HELZ: variants seen among roughly 807,000 people sequenced by gnomAD.
HELZ encodes the protein helicase with zinc finger.
A neutral mutation model predicts 218.2 loss-of-function variants in HELZ; 23 were observed. That is an observed-to-expected ratio of 0.11 (90% confidence interval 0.08 to 0.15). The LOEUF (loss-of-function observed/expected upper bound fraction) is 0.15, where lower values mean the gene tolerates loss of function less well. Among genes scored for constraint, HELZ ranks in the 10% least tolerant of loss-of-function variants. The probability of loss-of-function intolerance (pLI) is 1.00; values close to 1 mark genes in which losing one functional copy is unlikely to be tolerated. For synonymous variants in HELZ, 814 were observed against 829.4 expected, an observed-to-expected ratio of 0.98 and a Z score of 0.32; for missense variants, 1,813 against 2,353.7, an observed-to-expected ratio of 0.77 and a Z score of 4.75.
rs1357846265 is a variant in HELZ at position 67,086,813 on chromosome 17, A to G, written c.5494+16T>C. 6.2e-7 allele frequency: 1 copy of G among 1,612,624 alleles called. No homozygotes were observed. On this transcript the variant is annotated intron_variant, in intron 32 of 32. Coordinates refer to ENST00000358691, the MANE Select transcript of HELZ (RefSeq NM_014877.4). ...TGAGGAGTACAGATTAGTTTTAGCC[A>G]CCAACTCTGTCTTACCTATCAACTC...
At chr17:67,181,255 T>A (rs569162255) in intron 12 of HELZ, among the ~76,000 whole-genome samples, 1 of 152,174 alleles carries the variant, frequency 6.6e-6, no homozygotes, top group Non-Finnish European at 1.5e-5. Context: ...AAGTCACTAG[T>A]TATTCCTAAC....
At position 67,120,418 on chromosome 17, in the gene HELZ, C is replaced by T. The variant is rs777981046; in HGVS notation, c.3825G>A (p.Glu1275=). ...AGTACAACTTACCATTTCGATTTTGCTCATGTTGATCCTTCTCCTGATGCT... is the reference window on the plus strand; with the variant it reads ...AGTACAACTTACCATTTCGATTTTGTTCATGTTGATCCTTCTCCTGATGCT... ...QNQHQEKDQH[E]QNRNGKSDTN... is the part of the protein sequence containing the mutation. The change falls in exon 27 of 33, where the codon GAG becomes GAA. Residue 1275 remains glutamate (E), a synonymous_variant. Coordinates refer to ENST00000358691, the MANE Select transcript of HELZ (RefSeq NM_014877.4). The T allele has an allele frequency of 4.0e-5, 64 of 1,613,790 alleles. No homozygotes were observed. The highest frequency in any genetic ancestry group is 4.6e-5 in the Non-Finnish European group (54 of 1,179,884).
chr17:67,102,214 T>C (rs1051759794), intron 31 of HELZ, among the ~76,000 whole-genome samples: 3 of 152,152 alleles, frequency 2.0e-5, no homozygotes, highest in African/African-American at 7.2e-5. Flanking sequence ...TAGGTGGGCA[T>C]AGCAATTGGG....
At chr17:67,184,388 G>A (rs1010366529) in intron 12 of HELZ, among the ~76,000 whole-genome samples, 1 of 152,180 alleles carries the variant, frequency 6.6e-6, no homozygotes, top group East Asian at 1.9e-4. Context: ...ACTTATGCAA[G>A]AGAAATACGG....
Position 67,078,264 on chromosome 17 carries a change from T to C in HELZ, c.5817A>G (p.Ser1939=), listed in dbSNP as rs1462083439. The stretch of plus-strand genomic sequence containing the variant: ...AAAAAAAAAGTGATTATTTAAAATA[T>C]GAGTAAAAGCCATTGCTGCCAGATG... ...GSSSGSNGFY[S]YFK Residue 1939 remains serine (S), a synonymous_variant, in exon 33 of 33, where the codon TCA becomes TCG. Transcript: ENST00000358691. The C allele has an allele frequency of 1.2e-5, 20 of 1,610,578 alleles. No individual in the cohort carries two copies. The highest frequency in any genetic ancestry group is 1.4e-5 in the Non-Finnish European group (17 of 1,177,230).
In HELZ at chr17:67,129,342, G is replaced by A. The variant is rs1004783033; in HGVS notation, c.3183-487C>T. 6.6e-5 allele frequency among the ~76,000 whole-genome samples: 10 copies of A among 151,626 alleles called. No individual in the cohort carries two copies. The East Asian group carries it at 1.9e-3, about 29-fold the overall frequency. On this transcript the variant is annotated intron_variant, in intron 23 of 32. Transcript: ENST00000358691. ...TATACATATACACGCATGTATATGT[G>A]TATATATGCACATACATACACATAT...
Position 67,108,800 on chromosome 17 carries a change from A to G in HELZ, c.4490-74T>C, listed in dbSNP as rs2143749656. The G allele has an allele frequency of 3.5e-6, 4 of 1,151,296 alleles. No homozygotes were observed. The East Asian group carries it at 9.8e-5, about 28-fold the overall frequency. The allele number at this position is 1,151,296 out of a possible 1,614,324, so 71.3% of individuals were successfully genotyped here. A position where few individuals can be genotyped will look rare whatever the true frequency, so the allele number is the denominator to read the frequency against. On this transcript the variant is annotated intron_variant, in intron 29 of 32. Transcript: ENST00000358691. The surrounding 1 kb of genome is among the most constrained non-coding windows in gnomAD (Gnocchi z 4.1). ...TCATTATTTAAAGTTTTTTACTAACATATTTTCTCCACAAAGACAAAGGAC... is the reference window on the plus strand; with the variant it reads ...TCATTATTTAAAGTTTTTTACTAACGTATTTTCTCCACAAAGACAAAGGAC...
chr17:67,179,423 A>G (rs973839081), intron 12 of HELZ, among the ~76,000 whole-genome samples: 2 of 152,242 alleles, frequency 1.3e-5, no homozygotes, highest in Non-Finnish European at 2.9e-5. Flanking sequence ...TCAACTTACT[A>G]TAAACAAAAA....
chr17:67,108,498 T>G lies in HELZ; in HGVS notation c.4718A>C (p.Tyr1573Ser), dbSNP rs757849843. 4 of 1,612,644 alleles carry G rather than the reference T, an allele frequency of 2.5e-6. No individual in the cohort carries two copies. The highest frequency in any genetic ancestry group is 3.4e-6 in the Non-Finnish European group (4 of 1,178,888). The change falls in exon 30 of 33, where the codon TAC becomes TCC. Residue 1573 changes from tyrosine to serine, a missense_variant. Tyr to Ser is a moderately radical substitution (Grantham distance 144). Coordinates refer to ENST00000358691, the MANE Select transcript of HELZ (RefSeq NM_014877.4). This position sits in a 1 kb window ranked among gnomAD's most constrained non-coding sequence, Gnocchi z 4.1. Reference protein sequence around the residue: ...SSAEDEVETTYSRFQDLIREL... With the variant: ...SSAEDEVETTSSRFQDLIREL... ...TTTCAGTCCGCTGGAATACCTTGAGTATGTGGTCTCCACTTCATCTTCGGC... is the reference window on the plus strand; with the variant it reads ...TTTCAGTCCGCTGGAATACCTTGAGGATGTGGTCTCCACTTCATCTTCGGC...
In HELZ at chr17:67,075,732, T is replaced by C. The variant is rs1469110573; in HGVS notation, c.*2520A>G. 1.3e-5 allele frequency: 2 copies of C among 152,328 alleles called. No individual in the cohort carries two copies. Among genetic ancestry groups the C allele is most frequent in the African/African-American group, 2.4e-5 (1 of 41,466 alleles). The allele number at this position is 152,328 out of a possible 1,614,324, so 9.4% of individuals were successfully genotyped here. On this transcript the variant is annotated 3_prime_UTR_variant, in exon 33 of 33. Coordinates refer to ENST00000358691, the MANE Select transcript of HELZ (RefSeq NM_014877.4). ...AGCTTGTTGTAAGTCAAAATAAGCA[T>C]TTGATGCAGAATCTAAGAAGAGTAT...
chr17:67,091,944 A>G (rs892303899), intron 31 of HELZ, among the ~76,000 whole-genome samples: 3 of 152,226 alleles, frequency 2.0e-5, no homozygotes, highest in Non-Finnish European at 4.4e-5. Flanking sequence ...TTGGTGGATC[A>G]GTACAGTTCC....
intron 20 of HELZ, 114 bp from the exon 21 acceptor site, chr17:67,146,004 A>G (rs1235172204): frequency 9.0e-6 from 8 of 890,554 alleles, no homozygotes; most frequent in Non-Finnish European, 1.4e-5. Flanking sequence ...TCCATGATTA[A>G]TTTTACTCCA....
At chr17:67,101,589 C>T (rs954848031) in intron 31 of HELZ, among the ~76,000 whole-genome samples, 1 of 152,040 alleles carries the variant, frequency 6.6e-6, no homozygotes, top group African/African-American at 2.4e-5. Context: ...GTGAAAAATC[C>T]CACACAGATA....
At chr17:67,119,351 C>G (rs751809879) in intron 27 of HELZ, among the ~76,000 whole-genome samples, 3 of 152,100 alleles carry the variant, frequency 2.0e-5, no homozygotes, top group Non-Finnish European at 2.9e-5. Context: ...TCTGGTGGAA[C>G]AGCAAAAGCA....
chr17:67,189,528 C>A, intron 11 of HELZ, 61 bp downstream of exon 11: 1 of 1,064,134 alleles, frequency 9.4e-7, no homozygotes, highest in South Asian at 1.3e-5. Flanking sequence ...ATTCAAAGGT[C>A]AAAAAAACGT....
intron 23 of HELZ, among the ~76,000 whole-genome samples, chr17:67,134,905 TA>T (rs1567829557): frequency 6.6e-6 from 1 of 152,088 alleles, no homozygotes; most frequent in Non-Finnish European, 1.5e-5. Flanking sequence ...AGCACACTTA[TA>T]AAATTTTAAG....
intron 22 of HELZ, among the ~76,000 whole-genome samples, chr17:67,137,327 C>A (rs1184585570): frequency 3.9e-5 from 6 of 152,156 alleles, no homozygotes; most frequent in African/African-American, 1.4e-4. Flanking sequence ...TCCTAATGTT[C>A]TTTCTAAAAT....
At chr17:67,125,633 C>T (rs1218514566) in intron 24 of HELZ, among the ~76,000 whole-genome samples, 1 of 152,032 alleles carries the variant, frequency 6.6e-6, no homozygotes, top group Non-Finnish European at 1.5e-5. Context: ...GGAGGAAACA[C>T]AGCAATTTAA....
At chr17:67,103,372 C>CA (rs947949061) in intron 31 of HELZ, among the ~76,000 whole-genome samples, 3 of 152,060 alleles carry the variant, frequency 2.0e-5, no homozygotes, top group Non-Finnish European at 2.9e-5. Context: ...AAGATATCTA[C>CA]AAAAAAATCT....
Sources: allele counts gnomAD v4.1 joint callset (sites outside exome capture counted in the v4.1 genomes callset), GRCh38; gene constraint gnomAD v4.1.1; non-coding constraint Gnocchi (gnomAD v3.1); transcripts MANE v1.5; gene names NCBI Gene and HGNC (gene_info 2026-07-23, HGNC 2026-07-21).